Variants in EXOC4 observed in about 807,000 individuals in gnomAD.
EXOC4 encodes the protein exocyst complex component 4, also known as SEC8-like 1.
EXOC4 carries 71 observed loss-of-function variants against 107.2 expected under a neutral mutation model. That is an observed-to-expected ratio of 0.66 (90% CI 0.55 to 0.81). The LOEUF is 0.81. Among genes scored for constraint, EXOC4 ranks in the 30% least tolerant of loss-of-function variants. The pLI, the probability that EXOC4 is intolerant of heterozygous loss-of-function variation, is 0.00. For synonymous variants in EXOC4, 456 were observed against 441.2 expected, an observed-to-expected ratio of 1.03 and a Z score of -0.42; for missense variants, 1,108 against 1,189.6, an observed-to-expected ratio of 0.93 and a Z score of 1.01.
intron 9 of EXOC4, among the ~76,000 whole-genome samples, chr7:133,502,685 G>A (rs1799596539): frequency 6.6e-6 from 1 of 152,110 alleles, no homozygotes. Context: ...AAGAAGTAAG[G>A]CAACCGCAGG....
intron 11 of EXOC4, 105 bp downstream of exon 11, chr7:133,817,649 C>A: frequency 1.2e-6 from 1 of 804,042 alleles, no homozygotes; most frequent in Non-Finnish European, 2.0e-6. Context: ...CCATATTCAT[C>A]AGGGACAAAA....
At chr7:133,703,376 A>G (rs933278481) in intron 10 of EXOC4, among the ~76,000 whole-genome samples, 1 of 152,234 alleles carries the variant, frequency 6.6e-6, no homozygotes, top group African/African-American at 2.4e-5. Context: ...CCTTCGTCAC[A>G]TGGATGAATT....
chr7:133,912,760 A>C (rs2116611926), intron 12 of EXOC4, among the ~76,000 whole-genome samples: 1 of 152,288 alleles, frequency 6.6e-6, no homozygotes, highest in African/African-American at 2.4e-5. Flanking sequence ...GCTTGCAAAA[A>C]AGTGTAGTAG....
chr7:133,728,526 C>T (rs1327843190), intron 10 of EXOC4, among the ~76,000 whole-genome samples: 3 of 152,112 alleles, frequency 2.0e-5, no homozygotes, highest in African/African-American at 7.2e-5. Flanking sequence ...ATTTTCTGTC[C>T]TTCCCTTGGA....
chr7:134,076,360 A>G, the EXOC4 span, among the ~76,000 whole-genome samples: 1 of 152,106 alleles, frequency 6.6e-6, no homozygotes, highest in African/African-American at 2.4e-5. Flanking sequence ...TACTAAAAAT[A>G]CAGAAAAATT....
At chr7:133,315,477 A>G (rs905418458) in intron 4 of EXOC4, 1 of 152,186 alleles carries the variant, frequency 6.6e-6, no homozygotes. Flanking sequence ...TCCAGGGCCT[A>G]GGGGGACCTG....
chr7:133,519,911 C>T (rs562062900), intron 9 of EXOC4, among the ~76,000 whole-genome samples: 118 of 152,204 alleles, frequency 7.8e-4, no homozygotes, highest in South Asian at 4.8e-3. Flanking sequence ...TTGGAAAAAT[C>T]TCACAGATAA....
At chr7:133,305,824 T>C (rs1794739772) in intron 3 of EXOC4, 53 bp from the exon 4 acceptor site, 1 of 1,417,852 alleles carries the variant, frequency 7.1e-7, no homozygotes, top group Non-Finnish European at 9.5e-7. Flanking sequence ...ATTTATAATA[T>C]TGCCAGGTTA....
intron 14 of EXOC4, among the ~76,000 whole-genome samples, chr7:133,985,511 A>G (rs1165929466): frequency 6.6e-6 from 1 of 152,124 alleles, no homozygotes; most frequent in Admixed American, 6.5e-5. Flanking sequence ...GCTTTTATCT[A>G]CCACCATCAC....
chr7:133,445,067 T>C (rs188217099), intron 7 of EXOC4, among the ~76,000 whole-genome samples: 47 of 152,312 alleles, frequency 3.1e-4, no homozygotes, highest in African/African-American at 1.1e-3. Context: ...TTCATGTTTC[T>C]GGACCGTATG....
intron 14 of EXOC4, among the ~76,000 whole-genome samples, chr7:133,995,345 A>G (rs1212612708): frequency 6.6e-6 from 1 of 152,174 alleles, no homozygotes; most frequent in African/African-American, 2.4e-5. Context: ...TAGGAGTGAG[A>G]CTTCAAAGTC....
chr7:134,025,670 G>A (rs1204664651), intron 17 of EXOC4, among the ~76,000 whole-genome samples: 1 of 152,178 alleles, frequency 6.6e-6, no homozygotes, highest in Non-Finnish European at 1.5e-5. Context: ...TCCTCTCTCT[G>A]TTTCTGTGTA....
At chr7:133,615,192 T>A (rs1802165956) in intron 9 of EXOC4, among the ~76,000 whole-genome samples, 1 of 152,048 alleles carries the variant, frequency 6.6e-6, no homozygotes, top group Non-Finnish European at 1.5e-5. Context: ...CCTCCCCTTC[T>A]ACTTTCCCCA....
intron 1 of EXOC4, among the ~76,000 whole-genome samples, chr7:133,262,729 A>G (rs568459954): frequency 6.6e-6 from 1 of 152,326 alleles, no homozygotes; most frequent in East Asian, 1.9e-4. Flanking sequence ...TTCCCAGGTG[A>G]TTTGAAAGCA....
rs541910869 is a variant in EXOC4 at position 133,495,273 on chromosome 7, C to T, written c.1417+15135C>T. On this transcript the variant is annotated intron_variant, in intron 9 of 17. Transcript: ENST00000253861. ...CTCCAATAAAAAAAAAAAAATTGTG[C>T]GTAACACTGGAGTTTTAGATGCCTG... 6.6e-5 allele frequency among the ~76,000 whole-genome samples: 10 copies of T among 151,734 alleles called. No individual in the cohort carries two copies. The South Asian group carries it at 1.9e-3, about 29-fold the overall frequency.
intron 11 of EXOC4, among the ~76,000 whole-genome samples, chr7:133,831,492 C>T (rs777452975): frequency 5.3e-5 from 8 of 151,536 alleles, no homozygotes; most frequent in South Asian, 2.1e-4. Context: ...CTGCTGAAAT[C>T]GTTCTAGCTT....
At chr7:133,586,694 T>C (rs1267450774) in intron 9 of EXOC4, among the ~76,000 whole-genome samples, 1 of 152,186 alleles carries the variant, frequency 6.6e-6, no homozygotes, top group Non-Finnish European at 1.5e-5. Flanking sequence ...TCTCAGAAGT[T>C]TTCTCTTCAG....
intron 7 of EXOC4, among the ~76,000 whole-genome samples, chr7:133,397,977 G>T (rs925055414): frequency 3.9e-5 from 6 of 152,116 alleles, no homozygotes; most frequent in Non-Finnish European, 8.8e-5. Context: ...TTCAAATTCA[G>T]CTGTATCTTA....
At chr7:134,048,996 C>T (rs1362516955) in intron 17 of EXOC4, among the ~76,000 whole-genome samples, 1 of 152,132 alleles carries the variant, frequency 6.6e-6, no homozygotes, top group South Asian at 2.1e-4. Flanking sequence ...TTTCTAAAAT[C>T]GTCTGTTTCC....
Sources: allele counts gnomAD v4.1 joint callset (sites outside exome capture counted in the v4.1 genomes callset), GRCh38; gene constraint gnomAD v4.1.1; transcripts MANE v1.5; gene names NCBI Gene and HGNC (gene_info 2026-07-23, HGNC 2026-07-21).